INTS7: variants seen among roughly 807,000 people sequenced by gnomAD.
INTS7 encodes the protein integrator complex subunit 7.
Under a neutral mutation model 109.2 loss-of-function variants are expected in INTS7, and 46 were observed. The ratio of observed to expected loss-of-function variants is 0.42; its 90% CI spans 0.33 to 0.54. The LOEUF (loss-of-function observed/expected upper bound fraction) is 0.54. INTS7 is among the 20% of genes least tolerant of loss of function. The probability of loss-of-function intolerance (pLI) is 0.07; values close to 1 mark genes in which losing one functional copy is unlikely to be tolerated. For missense variants in INTS7, 929 were observed against 1,132.4 expected (o/e 0.82, Z 2.58); for synonymous variants, 412 against 402.9 (o/e 1.02, Z -0.27).
intron 10 of INTS7, among the ~76,000 whole-genome samples, chr1:211,979,310 G>C (rs1664548998): frequency 6.6e-6 from 1 of 152,132 alleles, no homozygotes; most frequent in African/African-American, 2.4e-5. Flanking sequence ...GCCATCAGTG[G>C]GGTGTCAGGC....
intron 1 of INTS7, among the ~76,000 whole-genome samples, chr1:212,032,545 C>T (rs1015169361): frequency 6.7e-5 from 10 of 150,102 alleles, no homozygotes; most frequent in African/African-American, 2.5e-4. Context: ...GGTGTGATCT[C>T]GGCTCACTGG....
At chr1:211,994,126 A>G (rs182435656) in intron 7 of INTS7, among the ~76,000 whole-genome samples, 3 of 152,290 alleles carry the variant, frequency 2.0e-5, no homozygotes, top group Non-Finnish European at 4.4e-5. Context: ...AGGAAAGACA[A>G]AAGGAGAGAA....
intron 7 of INTS7, among the ~76,000 whole-genome samples, chr1:212,000,936 T>C (rs1665639999): frequency 6.6e-6 from 1 of 152,218 alleles, no homozygotes; most frequent in African/African-American, 2.4e-5. Flanking sequence ...GCTGTTGCAA[T>C]TCTTCCCCTC....
intron 8 of INTS7, among the ~76,000 whole-genome samples, chr1:211,987,169 C>T (rs906694412): frequency 2.6e-5 from 4 of 151,912 alleles, no homozygotes; most frequent in South Asian, 2.1e-4. Flanking sequence ...TGGTGGCGGG[C>T]GCCTGTAGTC....
At chr1:211,943,260 G>A (rs2788137) in intron 19 of INTS7, among the ~76,000 whole-genome samples, 6,768 of 151,700 alleles carry the variant, frequency 0.045, 209 homozygotes, top group African/African-American at 0.079. Context: ...GTTATTACTC[G>A]GCTTATTATA....
intron 3 of INTS7, among the ~76,000 whole-genome samples, chr1:212,019,493 G>A (rs1355289021): frequency 6.6e-6 from 1 of 152,112 alleles, no homozygotes; most frequent in East Asian, 1.9e-4. Flanking sequence ...GTCTGGGCAG[G>A]CTAGGTCAGA....
At chr1:211,982,558 T>C (rs1401442129) in intron 9 of INTS7, 118 bp downstream of exon 9, 3 of 681,360 alleles carry the variant, frequency 4.4e-6, no homozygotes, top group Admixed American at 2.8e-5. Flanking sequence ...TTGAAAGGAG[T>C]CAATTTGTAG....
chr1:211,995,109 A>G (rs982250267), intron 7 of INTS7, among the ~76,000 whole-genome samples: 12 of 152,010 alleles, frequency 7.9e-5, no homozygotes, highest in Non-Finnish European at 1.5e-4. Context: ...CATTTCAGCC[A>G]TCATAATTTT....
chr1:212,021,345 T>TG, intron 1 of INTS7, 133 bp from the exon 2 acceptor site: 1 of 674,640 alleles, frequency 1.5e-6, no homozygotes, highest in Non-Finnish European at 2.3e-6. Flanking sequence ...GTATAATTCA[T>TG]TACCCTTTTA....
chr1:211,984,164 T>C (rs1383266449), intron 8 of INTS7, among the ~76,000 whole-genome samples: 2 of 152,184 alleles, frequency 1.3e-5, no homozygotes, highest in Non-Finnish European at 2.9e-5. Flanking sequence ...TCAGTGTTTT[T>C]AAGTTAGGCA....
At chr1:212,025,496 C>T (rs1025055477) in intron 1 of INTS7, 1 of 151,326 alleles carries the variant, frequency 6.6e-6, no homozygotes, top group Non-Finnish European at 1.5e-5. Context: ...AAAAAAAAAC[C>T]CAACCAAGAA....
At chr1:211,961,077 T>C (rs1384295082) in intron 16 of INTS7, among the ~76,000 whole-genome samples, 1 of 143,398 alleles carries the variant, frequency 7.0e-6, no homozygotes, top group Non-Finnish European at 1.6e-5. Context: ...CCGAGAAATA[T>C]GGGATTATGT....
intron 9 of INTS7, among the ~76,000 whole-genome samples, chr1:211,981,886 C>A (rs552228802): frequency 2.0e-5 from 3 of 152,056 alleles, no homozygotes; most frequent in African/African-American, 4.8e-5. Context: ...ATAAAACAGG[C>A]TTAATTATCC....
chr1:211,994,778 T>C (rs543078549), intron 7 of INTS7, among the ~76,000 whole-genome samples: 1 of 150,298 alleles, frequency 6.7e-6, no homozygotes, highest in African/African-American at 2.5e-5. Context: ...AAAAAGTATG[T>C]TCAATTAAAA....
At chr1:211,965,610 C>T (rs115680830) in intron 16 of INTS7, among the ~76,000 whole-genome samples, 3,902 of 151,812 alleles carry the variant, frequency 0.026, 56 homozygotes, top group African/African-American at 0.045. Flanking sequence ...TGAAATACTA[C>T]GCAGCCATAA....
chr1:212,035,034 A>G (rs1236974286), intron 1 of INTS7, among the ~76,000 whole-genome samples: 1 of 152,228 alleles, frequency 6.6e-6, no homozygotes, highest in African/African-American at 2.4e-5. Flanking sequence ...ATTTCTTTGC[A>G]GTGTCTCTTA....
chr1:212,030,687 G>A (rs1667122220), intron 1 of INTS7: 1 of 152,142 alleles, frequency 6.6e-6, no homozygotes, highest in Non-Finnish European at 1.5e-5. Flanking sequence ...ACTCAGTGTG[G>A]GTCACATGCC....
At chr1:211,980,901 C>T (rs17018310) in intron 10 of INTS7, among the ~76,000 whole-genome samples, 192 bp downstream of exon 10, 3,978 of 152,152 alleles carry the variant, frequency 0.026, 58 homozygotes, top group African/African-American at 0.046. Flanking sequence ...ATTTATGAGT[C>T]GGCTGCAGTC....
intron 10 of INTS7, among the ~76,000 whole-genome samples, chr1:211,980,462 G>T (rs1487314583): frequency 1.3e-5 from 2 of 151,914 alleles, no homozygotes; most frequent in Non-Finnish European, 2.9e-5. Flanking sequence ...TTGAGACAGG[G>T]TCTCATTCTT....
Sources: allele counts gnomAD v4.1 joint callset (sites outside exome capture counted in the v4.1 genomes callset), GRCh38; gene constraint gnomAD v4.1.1; transcripts MANE v1.5; gene names NCBI Gene and HGNC (gene_info 2026-07-23, HGNC 2026-07-21).